Variants in ZNF804A observed in about 807,000 individuals in gnomAD.
ZNF804A encodes zinc finger protein 804A.
Under a neutral mutation model 16.5 loss-of-function variants are expected in ZNF804A, and 2 were observed. The ratio of observed to expected loss-of-function variants is 0.12; its 90% CI spans 0.05 to 0.38. ZNF804A has a LOEUF of 0.38. Among genes scored for constraint, ZNF804A ranks in the 10% least tolerant of loss-of-function variants. ZNF804A has a pLI of 0.99. For missense variants in ZNF804A, 1,473 were observed against 1,390.7 expected, an observed-to-expected ratio of 1.06 and a Z score of -0.94; for synonymous variants, 534 against 489.6, an observed-to-expected ratio of 1.09 and a Z score of -1.20.
intron 1 of ZNF804A, among the ~76,000 whole-genome samples, chr2:184,833,970 G>A (rs1373272688): frequency 6.6e-6 from 1 of 152,028 alleles, no homozygotes; most frequent in African/African-American, 2.4e-5. Flanking sequence ...TTTTTGGGCA[G>A]ATATTTTGAG....
At chr2:184,783,379 C>G (rs1166206595) in intron 1 of ZNF804A, among the ~76,000 whole-genome samples, 2 of 151,066 alleles carry the variant, frequency 1.3e-5, no homozygotes, top group Non-Finnish European at 1.5e-5. Context: ...TAAGATATAA[C>G]CATGAAAACT....
chr2:184,656,717 TATATATACAC>T (rs1692079787), intron 1 of ZNF804A, among the ~76,000 whole-genome samples: 1 of 151,730 alleles, frequency 6.6e-6, no homozygotes, highest in South Asian at 2.1e-4. Context: ...TATATACACA[TATATATACAC>T]ATATATACAC....
At position 184,765,854 on chromosome 2, in the gene ZNF804A, C is replaced by G. The variant is rs182296189; in HGVS notation, c.112-100515C>G. Among the ~76,000 whole-genome samples, 305 of 152,096 alleles carry G rather than the reference C, an allele frequency of 2.0e-3. 1 individual carries two copies. The highest frequency in any genetic ancestry group is 7.1e-3 in the African/African-American group (293 of 41,492). ...GAGACTCTAAAATATTTTTTCACAA[C>G]AAGTAGTATTTTATTTAATAATAGG... On this transcript the variant is annotated intron_variant, in intron 1 of 3. Transcript: ENST00000302277.
At chr2:184,742,346 T>G (rs1385837967) in intron 1 of ZNF804A, among the ~76,000 whole-genome samples, 1 of 152,012 alleles carries the variant, frequency 6.6e-6, no homozygotes, top group East Asian at 1.9e-4. Context: ...TCAGGTAATA[T>G]ATTCCCTTTC....
At chr2:184,611,419 A>G (rs1477660554) in intron 1 of ZNF804A, among the ~76,000 whole-genome samples, 1 of 152,036 alleles carries the variant, frequency 6.6e-6, no homozygotes, top group African/African-American at 2.4e-5. Flanking sequence ...TATTTATGGC[A>G]TGATATTTAG....
rs867281745 is a variant in ZNF804A, at chr2:184,838,556, T to A, written c.112-27813T>A. ...TAAACTTTTCTTTGAGAAAGTCAGA[T>A]CAACATAGAGAATAACCCAGAATTA... is the stretch of plus-strand genomic sequence containing the variant. On this transcript the variant is annotated intron_variant, in intron 1 of 3. Transcript: ENST00000302277. Among the ~76,000 whole-genome samples the A allele has an allele frequency of 1.2e-4, 19 of 152,226 alleles. No homozygotes were observed. In the South Asian group the frequency reaches 2.9e-3, roughly 23 times the overall value.
Position 184,898,471 on chromosome 2 carries a change from G to A in ZNF804A, c.255+31959G>A, listed in dbSNP as rs575975667. ...ACAGTTTTCGTTATCTATATTCACT[G>A]CCTTTCCAGTTCATACCTATACTAA... On this transcript the variant is annotated intron_variant, in intron 2 of 3. Transcript: ENST00000302277. 1.3e-4 allele frequency among the ~76,000 whole-genome samples: 20 copies of A among 152,148 alleles called. No individual in the cohort carries two copies. The South Asian group carries it at 3.9e-3, about 30-fold the overall frequency.
At chr2:184,835,951 A>G (rs1695338663) in intron 1 of ZNF804A, among the ~76,000 whole-genome samples, 1 of 152,154 alleles carries the variant, frequency 6.6e-6, no homozygotes, top group Non-Finnish European at 1.5e-5. Flanking sequence ...ACAATGGGGA[A>G]CCATCAGAAG....
intron 2 of ZNF804A, among the ~76,000 whole-genome samples, chr2:184,898,243 G>A (rs1213572167): frequency 6.6e-6 from 1 of 152,084 alleles, no homozygotes; most frequent in Admixed American, 6.5e-5. Flanking sequence ...GATTCTATCT[G>A]CACATAAGTG....
intron 1 of ZNF804A, among the ~76,000 whole-genome samples, chr2:184,677,459 T>C (rs1692457679): frequency 1.3e-5 from 2 of 152,002 alleles, no homozygotes; most frequent in African/African-American, 4.8e-5. Flanking sequence ...CACGGTCATC[T>C]GAGATAGAAC....
At chr2:184,708,787 C>T (rs555234639) in intron 1 of ZNF804A, among the ~76,000 whole-genome samples, 64 of 152,144 alleles carry the variant, frequency 4.2e-4, no homozygotes, top group African/African-American at 1.4e-3. Context: ...TAAAATGCCT[C>T]GTGAAACTTT....
At chr2:184,794,769 CA>C (rs1358763641) in intron 1 of ZNF804A, among the ~76,000 whole-genome samples, 1 of 151,936 alleles carries the variant, frequency 6.6e-6, no homozygotes, top group Non-Finnish European at 1.5e-5. Context: ...ACACATCTAA[CA>C]AATAAGGATG....
intron 3 of ZNF804A, among the ~76,000 whole-genome samples, chr2:184,934,001 T>C (rs1300335441): frequency 6.6e-6 from 1 of 152,130 alleles, no homozygotes; most frequent in African/African-American, 2.4e-5. Context: ...GTTATCTTAG[T>C]TGAAAGCTAC....
chr2:184,853,508 T>C (rs1188249863), intron 1 of ZNF804A, among the ~76,000 whole-genome samples: 1 of 151,906 alleles, frequency 6.6e-6, no homozygotes, highest in Non-Finnish European at 1.5e-5. Context: ...CTTTTTACCA[T>C]TGAGTATGAT....
chr2:184,859,921 G>A (rs1389525010), intron 1 of ZNF804A, among the ~76,000 whole-genome samples: 1 of 152,150 alleles, frequency 6.6e-6, no homozygotes, highest in South Asian at 2.1e-4. Flanking sequence ...GCACCGGGGT[G>A]GGCCATGAGC....
At chr2:184,617,028 C>T (rs1217965243) in intron 1 of ZNF804A, among the ~76,000 whole-genome samples, 1 of 151,932 alleles carries the variant, frequency 6.6e-6, no homozygotes, top group Non-Finnish European at 1.5e-5. Context: ...CCACTCCTTA[C>T]CCTCCCATCA....
At chr2:184,655,125 A>G (rs760187262) in intron 1 of ZNF804A, among the ~76,000 whole-genome samples, 1 of 152,196 alleles carries the variant, frequency 6.6e-6, no homozygotes, top group Non-Finnish European at 1.5e-5. Flanking sequence ...AGGCTTTTCT[A>G]TTTATATGAT....
At chr2:184,812,184 A>G (rs778984454) in intron 1 of ZNF804A, among the ~76,000 whole-genome samples, 2 of 152,192 alleles carry the variant, frequency 1.3e-5, no homozygotes, top group Non-Finnish European at 1.5e-5. Context: ...AAGCTCCATA[A>G]TAACTCTGAG....
intron 1 of ZNF804A, among the ~76,000 whole-genome samples, chr2:184,784,280 A>C (rs1441818885): frequency 1.3e-5 from 2 of 151,926 alleles, no homozygotes; most frequent in Non-Finnish European, 2.9e-5. Context: ...CAGCAGCAAG[A>C]CATTTTTGCT....
Sources: gnomAD v4.1 joint callset for allele counts (sites outside exome capture counted in the v4.1 genomes callset) on GRCh38, gnomAD v4.1.1 for gene constraint, MANE v1.5 for transcripts, NCBI Gene and HGNC (gene_info 2026-07-23, HGNC 2026-07-21) for gene names.